The following UNC13C variants were observed in gnomAD, a reference collection of about 807,000 sequenced individuals.
The protein encoded by UNC13C is unc-13 homolog C, also known as protein unc-13 homolog C.
A neutral mutation model predicts 245.4 loss-of-function variants in UNC13C; 174 were observed. That is an observed-to-expected ratio of 0.71 (90% CI 0.63 to 0.80). The LOEUF (loss-of-function observed/expected upper bound fraction) is 0.80. Ranked by LOEUF, UNC13C falls within the 30% of genes least tolerant of loss-of-function variation. UNC13C has a pLI of 0.00. For missense variants in UNC13C, 2,829 were observed against 2,602.9 expected, an observed-to-expected ratio of 1.09 and a Z score of -1.89; for synonymous variants, 992 against 895.1, an observed-to-expected ratio of 1.11 and a Z score of -1.93.
chr15:54,540,486 T>G (rs1478331015), intron 26 of UNC13C, among the ~76,000 whole-genome samples: 1 of 152,152 alleles, frequency 6.6e-6, no homozygotes, highest in Non-Finnish European at 1.5e-5. Context: ...ATTATCAAGT[T>G]GATTAATTCA....
intron 2 of UNC13C, among the ~76,000 whole-genome samples, chr15:54,136,739 A>T (rs1025444000): frequency 3.9e-5 from 6 of 152,134 alleles, no homozygotes; most frequent in African/African-American, 1.4e-4. Context: ...TGATTTGCTA[A>T]GAGTTTTTAT....
chr15:54,601,555 C>T (rs1241101000), intron 30 of UNC13C, among the ~76,000 whole-genome samples: 1 of 152,140 alleles, frequency 6.6e-6, no homozygotes, highest in Non-Finnish European at 1.5e-5. Flanking sequence ...GAATCAGAAT[C>T]TTGCATAGGC....
At chr15:54,598,113 GT>G (rs1402286614) in intron 30 of UNC13C, among the ~76,000 whole-genome samples, 1 of 152,112 alleles carries the variant, frequency 6.6e-6, no homozygotes, top group Non-Finnish European at 1.5e-5. Context: ...CCTTTATTTT[GT>G]TTTTGAGATG....
At chr15:54,508,128 A>G (rs1894565764) in intron 23 of UNC13C, among the ~76,000 whole-genome samples, 1 of 151,702 alleles carries the variant, frequency 6.6e-6, no homozygotes, top group African/African-American at 2.4e-5. Context: ...GACAACTCAA[A>G]CAATTATTTC....
At chr15:54,474,785 A>G (rs1259946288) in intron 19 of UNC13C, among the ~76,000 whole-genome samples, 1 of 151,954 alleles carries the variant, frequency 6.6e-6, no homozygotes, top group Non-Finnish European at 1.5e-5. Context: ...CAGGCTGTAC[A>G]AGAAGCATGG....
chr15:54,195,732 G>A (rs1014809130), intron 4 of UNC13C, among the ~76,000 whole-genome samples: 2 of 152,104 alleles, frequency 1.3e-5, no homozygotes, highest in African/African-American at 4.8e-5. Flanking sequence ...TAGCAAAGTG[G>A]TTTTGTTGTA....
At chr15:54,263,505 A>T (rs2036478110) in intron 8 of UNC13C, among the ~76,000 whole-genome samples, 1 of 152,156 alleles carries the variant, frequency 6.6e-6, no homozygotes, top group African/African-American at 2.4e-5. Flanking sequence ...GAGACCAGTC[A>T]TGAAAAACAA....
chr15:53,953,352 G>A, the UNC13C span, among the ~76,000 whole-genome samples: 4 of 152,282 alleles, frequency 2.6e-5, no homozygotes, highest in South Asian at 2.1e-4. Flanking sequence ...CATCTGCCTC[G>A]TGGTGCTCCA....
At chr15:54,171,828 C>T (rs1210379341) in intron 4 of UNC13C, among the ~76,000 whole-genome samples, 1 of 152,002 alleles carries the variant, frequency 6.6e-6, no homozygotes, top group Admixed American at 6.6e-5. Flanking sequence ...GTATTATTCA[C>T]CATAGCTAAG....
At chr15:53,995,291 TC>T (rs1170620392) in intron 1 of UNC13C, among the ~76,000 whole-genome samples, 3 of 152,070 alleles carry the variant, frequency 2.0e-5, no homozygotes, top group African/African-American at 7.2e-5. Context: ...TGTTAGGGCT[TC>T]TTTGTAAAGA....
At chr15:54,173,841 G>A (rs531957540) in intron 4 of UNC13C, among the ~76,000 whole-genome samples, 1 of 152,224 alleles carries the variant, frequency 6.6e-6, no homozygotes. Context: ...TATGTTAGCA[G>A]TAGGTGTCTC....
chr15:54,616,380 A>G (rs1006621227), intron 30 of UNC13C, among the ~76,000 whole-genome samples: 3 of 148,264 alleles, frequency 2.0e-5, no homozygotes, highest in East Asian at 1.9e-4. Context: ...TTATAATAAC[A>G]TAACACCACA....
chr15:53,975,379 A>G (rs559811834), upstream of UNC13C, among the ~76,000 whole-genome samples: 1 of 152,296 alleles, frequency 6.6e-6, no homozygotes, highest in East Asian at 1.9e-4. Flanking sequence ...TATCTGGACA[A>G]CTAATCCATT....
chr15:54,195,322 G>A (rs772385473), intron 4 of UNC13C, among the ~76,000 whole-genome samples: 4 of 152,144 alleles, frequency 2.6e-5, no homozygotes, highest in East Asian at 1.9e-4. Context: ...GAGAACAGTC[G>A]TTAATTTAAC....
At chr15:54,628,637 C>CATT (rs1555404790), downstream of UNC13C, 1 of 152,504 alleles carries the variant, frequency 6.6e-6, no homozygotes, top group African/African-American at 2.4e-5. Flanking sequence ...CTTTTTATTT[C>CATT]ATTTATGCAA....
the UNC13C span, among the ~76,000 whole-genome samples, chr15:53,882,777 T>C: frequency 6.6e-6 from 1 of 152,164 alleles, no homozygotes; most frequent in African/African-American, 2.4e-5. Context: ...TTACTAAGCA[T>C]TAAATAGTTA....
intron 11 of UNC13C, among the ~76,000 whole-genome samples, chr15:54,295,260 G>A (rs2037399008): frequency 1.3e-5 from 2 of 152,178 alleles, no homozygotes; most frequent in African/African-American, 4.8e-5. Flanking sequence ...ATCTTTATAT[G>A]GACTTCTTTT....
chr15:54,076,751 A>G (rs1472858476), intron 2 of UNC13C, among the ~76,000 whole-genome samples: 1 of 152,056 alleles, frequency 6.6e-6, no homozygotes, highest in Non-Finnish European at 1.5e-5. Context: ...CTTCATTTCC[A>G]TGTTCGGTTT....
intron 4 of UNC13C, among the ~76,000 whole-genome samples, chr15:54,187,963 C>A (rs1253405455): frequency 1.3e-5 from 2 of 152,096 alleles, no homozygotes; most frequent in African/African-American, 4.8e-5. Flanking sequence ...GCGCCCACCA[C>A]CCCACCACCA....
Sources: allele counts gnomAD v4.1 joint callset (sites outside exome capture counted in the v4.1 genomes callset), GRCh38; gene constraint gnomAD v4.1.1; transcripts MANE v1.5; gene names NCBI Gene and HGNC (gene_info 2026-07-23, HGNC 2026-07-21).